PGLYRP3: variants seen among roughly 807,000 people sequenced by gnomAD.
The protein encoded by PGLYRP3 is peptidoglycan recognition protein 3.
A neutral mutation model predicts 36.0 loss-of-function variants in PGLYRP3; 39 were observed. The observed-to-expected ratio is 1.08, with a 90% confidence interval of 0.84 to 1.41. The LOEUF is 1.41. Among genes scored for constraint, PGLYRP3 ranks in the 40% most tolerant of loss-of-function variants. PGLYRP3 has a pLI of 0.00. For missense variants in PGLYRP3, 407 were observed against 427.9 expected (o/e 0.95, Z 0.43); for synonymous variants, 204 against 172.8 (o/e 1.18, Z -1.42).
At chr1:153,306,975 A>C in intron 3 of PGLYRP3, 91 bp downstream of exon 3, 1 of 1,139,464 alleles carries the variant, frequency 8.8e-7, no homozygotes, top group Non-Finnish European at 1.2e-6. Flanking sequence ...ATGTAAATGA[A>C]GCGCAGAAAA....
At position 153,302,482 on chromosome 1, in the gene PGLYRP3, CTGTGGATACAG is replaced by C; in HGVS notation, c.644_654del (p.Thr215ArgfsTer21). 6.2e-7 allele frequency: 1 copy of C among 1,614,216 alleles called. No individual in the cohort carries two copies. Among genetic ancestry groups the C allele is most frequent in the Non-Finnish European group, 8.5e-7 (1 of 1,180,050 alleles). ...ATGTTTCGGACGACAGTCTGGCAGT[CTGTGGATACAG>C]TGCAGCTTGTGCCAGCGGTGTGGAT... On this transcript the variant is annotated frameshift_variant, in exon 6 of 8. Transcript: ENST00000683862. LOFTEE classifies it high-confidence loss of function.
chr1:153,307,366 G>T, intron 2 of PGLYRP3, 99 bp from the exon 3 acceptor site: 1 of 1,187,102 alleles, frequency 8.4e-7, no homozygotes, highest in Non-Finnish European at 1.2e-6. Context: ...GGCCCGACCT[G>T]CCCCATGCAT....
Position 153,304,929 on chromosome 1 carries a change from G to C in PGLYRP3, c.376+18C>G. ...TACACAACTCTCCAGCACAGGGTCCGCAGGGAGTGACCCTTACCTATCTTA... is the reference window on the plus strand; with the variant it reads ...TACACAACTCTCCAGCACAGGGTCCCCAGGGAGTGACCCTTACCTATCTTA... On this transcript the variant is annotated intron_variant, in intron 4 of 7. Coordinates refer to ENST00000683862, the MANE Select transcript of PGLYRP3 (RefSeq NM_052891.3). 6 of 1,585,324 alleles carry C rather than the reference G, an allele frequency of 3.8e-6. No individual in the cohort carries two copies. The highest frequency in any genetic ancestry group is 5.2e-6 in the Non-Finnish European group (6 of 1,156,596).
rs77460259 is a variant in PGLYRP3, at chr1:153,301,276, G to C, written c.728+1133C>G. Among the ~76,000 whole-genome samples, 55 of 152,214 alleles carry C rather than the reference G, an allele frequency of 3.6e-4. No homozygotes were observed. In the East Asian group the frequency reaches 0.01, roughly 28 times the overall value. On this transcript the variant is annotated intron_variant, in intron 6 of 7. Coordinates refer to ENST00000683862, the MANE Select transcript of PGLYRP3 (RefSeq NM_052891.3). ...GTTTGTTGTTAGATTGATATATCTC[G>C]TCTAGCACCAGGCATATAGTAGCTA...
At chr1:153,307,911 G>A (rs9970937) in intron 2 of PGLYRP3, among the ~76,000 whole-genome samples, 64,446 of 151,942 alleles carry the variant, frequency 0.42, 14,460 homozygotes, top group Non-Finnish European at 0.51. Context: ...CCCCAGGAGC[G>A]CTCTGAGGGA....
intron 1 of PGLYRP3, among the ~76,000 whole-genome samples, chr1:153,312,215 G>A (rs1303447699): frequency 2.0e-5 from 3 of 152,160 alleles, no homozygotes; most frequent in Non-Finnish European, 2.9e-5. Context: ...AACTGATAAT[G>A]TCTCCAATCC....
intron 6 of PGLYRP3, among the ~76,000 whole-genome samples, chr1:153,301,688 G>A (rs1571101024): frequency 6.6e-6 from 1 of 152,188 alleles, no homozygotes; most frequent in Admixed American, 6.5e-5. Context: ...ATGTGCAAAA[G>A]CACATCTACC....
intron 3 of PGLYRP3, 37 bp downstream of exon 3, chr1:153,307,027 CTT>C: frequency 1.2e-6 from 2 of 1,601,204 alleles, no homozygotes; most frequent in Non-Finnish European, 8.5e-7. Context: ...ACCCCCGTGA[CTT>C]TGGATGTGGG....
rs1481610395 is a variant in PGLYRP3, at chr1:153,297,574, A to AAAG, written c.*379_*381dup. Among the ~76,000 whole-genome samples, 7 of 105,966 alleles carry AAAG rather than the reference A, an allele frequency of 6.6e-5. No individual in the cohort carries two copies. Among genetic ancestry groups the AAAG allele is most frequent in the African/African-American group, 2.6e-4 (7 of 26,588 alleles). The allele number at this position is 105,966 out of a possible 152,430, so 69.5% of individuals were successfully genotyped here. On this transcript the variant is annotated 3_prime_UTR_variant, in exon 8 of 8. Transcript: ENST00000683862. ...AGGAAAGAAAGAAAAAGAAAGAAAGAAAGAAAGAAGAAAGAAAGAAAGAAA... is the reference window on the plus strand; with the variant it reads ...AGGAAAGAAAGAAAAAGAAAGAAAGAAAGAAGAAAGAAGAAAGAAAGAAAGAAA...
intron 3 of PGLYRP3, 51 bp from the exon 4 acceptor site, chr1:153,305,116 C>G: frequency 6.8e-7 from 1 of 1,474,482 alleles, no homozygotes; most frequent in Non-Finnish European, 9.4e-7. Context: ...AAATGAAAAC[C>G]TCTCACTGAT....
At position 153,297,520 on chromosome 1, in the gene PGLYRP3, A is replaced by G. The variant is rs1659458322; in HGVS notation, c.*436T>C. Among the ~76,000 whole-genome samples the G allele has an allele frequency of 1.3e-5, 1 of 74,432 alleles. No individual in the cohort carries two copies. The highest frequency in any genetic ancestry group is 5.6e-5 in the African/African-American group (1 of 17,812). The allele number at this position is 74,432 out of a possible 152,430, so 48.8% of individuals were successfully genotyped here. A position where few individuals can be genotyped will look rare whatever the true frequency, so the allele number is the denominator to read the frequency against. On this transcript the variant is annotated 3_prime_UTR_variant, in exon 8 of 8. Transcript: ENST00000683862. ...GGTGAAAGGAAGGAAGGAAGGAAGG[A>G]AGGAAGGAAGGAAGGAAGGAAGGAA...
intron 5 of PGLYRP3, 60 bp downstream of exon 5, chr1:153,303,797 G>A (rs1281572070): frequency 6.5e-7 from 1 of 1,533,494 alleles, no homozygotes; most frequent in Non-Finnish European, 8.9e-7. Flanking sequence ...TCCCAAACAT[G>A]ACTCCAAACA....
chr1:153,304,735 AAT>A (rs1472783489), intron 4 of PGLYRP3, among the ~76,000 whole-genome samples: 3 of 152,238 alleles, frequency 2.0e-5, no homozygotes, highest in African/African-American at 7.2e-5. Context: ...AAGCTTCAGC[AAT>A]ATCACAGGAG....
intron 6 of PGLYRP3, among the ~76,000 whole-genome samples, chr1:153,301,339 G>A (rs545991411): frequency 2.0e-4 from 30 of 152,334 alleles, no homozygotes; most frequent in African/African-American, 7.2e-4. Context: ...AAAATAATGT[G>A]TGAGTGGGTG....
intron 6 of PGLYRP3, among the ~76,000 whole-genome samples, chr1:153,300,316 T>C (rs1461285699): frequency 6.6e-6 from 1 of 152,144 alleles, no homozygotes; most frequent in African/African-American, 2.4e-5. Flanking sequence ...TAGAAGCCAT[T>C]CTCAGACCCC....
At position 153,297,783 on chromosome 1, in the gene PGLYRP3, G is replaced by A. The variant is rs1480625798; in HGVS notation, c.*173C>T. On this transcript the variant is annotated 3_prime_UTR_variant, in exon 8 of 8. Coordinates refer to ENST00000683862, the MANE Select transcript of PGLYRP3 (RefSeq NM_052891.3). ...AAGAGGGCTGTGAATGCCCAGCTGT[G>A]AGGTTTGGGGGCTCCTGGAGGATGT... 3 of 686,234 alleles carry A rather than the reference G, an allele frequency of 4.4e-6. No homozygotes were observed. Among genetic ancestry groups the A allele is most frequent in the South Asian group, 2.1e-5 (1 of 48,390 alleles). 42.5% of individuals were successfully genotyped at this position (686,234 alleles called of 1,614,324 possible).
In PGLYRP3 at chr1:153,304,007, T is replaced by C; in HGVS notation, c.379A>G (p.Ser127Gly). 6.2e-7 allele frequency: 1 copy of C among 1,611,930 alleles called. No individual in the cohort carries two copies. The highest frequency in any genetic ancestry group is 8.5e-7 in the Non-Finnish European group (1 of 1,178,616). ...GATAAGGCAGCAGGGCTGGGACTGC[T>C]GCCTTAAAGAGGAGGACAGGGAGCA... ...GIAFFGNKIGSSPSPAALSAA... is the reference protein window; with the variant it reads ...GIAFFGNKIGGSPSPAALSAA... Residue 127 changes from serine (S) to glycine (G), a missense_variant and splice_region_variant, in exon 5 of 8, where the codon AGC becomes GGC. Ser to Gly is a moderately conservative substitution (Grantham distance 56). Transcript: ENST00000683862.
intron 7 of PGLYRP3, among the ~76,000 whole-genome samples, chr1:153,298,614 G>C (rs1037135663): frequency 3.9e-5 from 6 of 152,120 alleles, no homozygotes; most frequent in Non-Finnish European, 8.8e-5. Flanking sequence ...CTGCACTCCA[G>C]ACTGGGAGAC....
chr1:153,304,163 C>T (rs888120651), intron 4 of PGLYRP3, among the ~76,000 whole-genome samples, 154 bp from the exon 5 acceptor site: 1 of 152,142 alleles, frequency 6.6e-6, no homozygotes, highest in African/African-American at 2.4e-5. Flanking sequence ...GCCTAAGAGG[C>T]GAGAAGCTAC....
Sources: gnomAD v4.1 joint callset for allele counts (sites outside exome capture counted in the v4.1 genomes callset) on GRCh38, gnomAD v4.1.1 for gene constraint, MANE v1.5 for transcripts, NCBI Gene and HGNC (gene_info 2026-07-23, HGNC 2026-07-21) for gene names.